Variants in ZBTB20 observed in about 807,000 individuals in gnomAD.
The protein encoded by ZBTB20 is zinc finger and BTB domain containing 20, also known as zinc finger and BTB domain-containing protein 20.
ZBTB20 carries 9 observed loss-of-function variants against 56.9 expected under a neutral mutation model. The ratio of observed to expected loss-of-function variants is 0.16; its 90% CI spans 0.10 to 0.28. The LOEUF (loss-of-function observed/expected upper bound fraction) is 0.28, where lower values mean the gene tolerates loss of function less well. ZBTB20 is among the 10% of genes least tolerant of loss of function. The pLI, the probability that ZBTB20 is intolerant of heterozygous loss-of-function variation, is 1.00. For synonymous variants in ZBTB20, 417 were observed against 420.7 expected, an observed-to-expected ratio of 0.99 and a Z score of 0.11; for missense variants, 655 against 1,003.0, an observed-to-expected ratio of 0.65 and a Z score of 4.69.
At chr3:114,387,841 C>G (rs186722933) in intron 8 of ZBTB20, 1 of 152,164 alleles carries the variant, frequency 6.6e-6, no homozygotes, top group East Asian at 1.9e-4. Context: ...TCTTTAGTCC[C>G]CAGTAACTCA....
At chr3:114,767,430 A>G (rs2068860128) in intron 5 of ZBTB20, among the ~76,000 whole-genome samples, 1 of 152,058 alleles carries the variant, frequency 6.6e-6, no homozygotes, top group South Asian at 2.1e-4. Flanking sequence ...ATGCCACAGC[A>G]CTAAAATAAA....
At chr3:114,392,269 A>G (rs774830664) in intron 7 of ZBTB20, among the ~76,000 whole-genome samples, 21 of 152,198 alleles carry the variant, frequency 1.4e-4, no homozygotes, top group Non-Finnish European at 2.9e-4. Flanking sequence ...TAAAATAACT[A>G]AAAGAGGGTA....
chr3:114,618,348 C>T lies in ZBTB20; in HGVS notation c.-295+75180G>A, dbSNP rs141089409. Among the ~76,000 whole-genome samples, 48 of 149,982 alleles carry T rather than the reference C, an allele frequency of 3.2e-4. No homozygotes were observed. The East Asian group carries it at 9.1e-3, about 28-fold the overall frequency. ...CAATGCAAGCTCAAACTCCTGGGCT[C>T]AAGGGATAAGGGATCCTCCCATCTC... On this transcript the variant is annotated intron_variant, in intron 6 of 11. Coordinates refer to ENST00000675478, the MANE Select transcript of ZBTB20 (RefSeq NM_001348800.3).
chr3:114,821,072 C>T (rs1309071880), intron 4 of ZBTB20, among the ~76,000 whole-genome samples: 1 of 152,078 alleles, frequency 6.6e-6, no homozygotes, highest in Non-Finnish European at 1.5e-5. Flanking sequence ...ACCAACCTTG[C>T]CTAGTATTTT....
intron 5 of ZBTB20, among the ~76,000 whole-genome samples, chr3:114,742,613 T>A (rs1244487655): frequency 6.6e-6 from 1 of 152,148 alleles, no homozygotes; most frequent in Non-Finnish European, 1.5e-5. Flanking sequence ...CTGACAGAGA[T>A]TAAATAACTT....
intron 5 of ZBTB20, among the ~76,000 whole-genome samples, chr3:114,772,116 G>C (rs1376573819): frequency 6.6e-6 from 1 of 152,102 alleles, no homozygotes; most frequent in African/African-American, 2.4e-5. Flanking sequence ...GAGGCAGGCA[G>C]ATTGCCTGAG....
At chr3:114,783,865 T>C (rs1196947511) in intron 5 of ZBTB20, among the ~76,000 whole-genome samples, 2 of 151,756 alleles carry the variant, frequency 1.3e-5, no homozygotes, top group African/African-American at 2.4e-5. Flanking sequence ...ATATGCTTAG[T>C]TTTGTGAGAT....
intron 10 of ZBTB20, among the ~76,000 whole-genome samples, chr3:114,378,621 T>A (rs2083943349): frequency 6.6e-6 from 1 of 152,344 alleles, no homozygotes; most frequent in Admixed American, 6.5e-5. Context: ...CTAAGGCAAT[T>A]CTATGTAATC....
intron 6 of ZBTB20, among the ~76,000 whole-genome samples, chr3:114,578,190 A>G (rs370379494): frequency 3.9e-5 from 6 of 152,258 alleles, no homozygotes; most frequent in East Asian, 3.9e-4. Flanking sequence ...TAAAAGTACA[A>G]TAAATGAAAT....
intron 6 of ZBTB20, among the ~76,000 whole-genome samples, chr3:114,652,204 T>A (rs2060173768): frequency 6.6e-6 from 1 of 152,070 alleles, no homozygotes; most frequent in Non-Finnish European, 1.5e-5. Context: ...TTAATTTCTA[T>A]CTCCCATAAA....
intron 1 of ZBTB20, among the ~76,000 whole-genome samples, chr3:115,085,235 G>A (rs1002939728): frequency 1.3e-5 from 2 of 151,932 alleles, no homozygotes; most frequent in African/African-American, 2.4e-5. Flanking sequence ...ACTATTGGGT[G>A]AATTTGGTGC....
At chr3:114,344,342 A>G (rs1033679774) in intron 11 of ZBTB20, among the ~76,000 whole-genome samples, 5 of 152,214 alleles carry the variant, frequency 3.3e-5, no homozygotes, top group Non-Finnish European at 7.3e-5. Context: ...CTCCAAGTAG[A>G]GAGTTGTACT....
At chr3:114,876,099 T>C (rs1471980882) in intron 4 of ZBTB20, among the ~76,000 whole-genome samples, 2 of 149,654 alleles carry the variant, frequency 1.3e-5, no homozygotes, top group African/African-American at 2.5e-5. Flanking sequence ...TAGCGGGGTA[T>C]GGTGGCATGC....
At chr3:114,989,153 G>A (rs562309665) in intron 2 of ZBTB20, among the ~76,000 whole-genome samples, 26 of 152,128 alleles carry the variant, frequency 1.7e-4, no homozygotes, top group Non-Finnish European at 2.6e-4. Context: ...TGCTTTTGGT[G>A]TTTTAGACAT....
At chr3:114,985,014 C>T (rs1384566566) in intron 2 of ZBTB20, among the ~76,000 whole-genome samples, 1 of 152,006 alleles carries the variant, frequency 6.6e-6, no homozygotes, top group East Asian at 1.9e-4. Context: ...TCAAATGGCA[C>T]GTGGTTACTC....
chr3:114,552,907 T>G (rs1213383943), intron 6 of ZBTB20, among the ~76,000 whole-genome samples: 2 of 152,248 alleles, frequency 1.3e-5, no homozygotes, highest in African/African-American at 4.8e-5. Context: ...TCAGAATTAT[T>G]GTTTTCAATC....
rs1012151505 is a variant in ZBTB20 at position 114,318,749 on chromosome 3, A to T, written c.*20256T>A. 16 of 152,346 alleles carry T rather than the reference A, an allele frequency of 1.1e-4. No individual in the cohort carries two copies. The highest frequency in any genetic ancestry group is 7.2e-4 in the Admixed American group (11 of 15,308). The allele number at this position is 152,346 out of a possible 1,614,324, so 9.4% of individuals were successfully genotyped here. A position where few individuals can be genotyped will look rare whatever the true frequency, so the allele number is the denominator to read the frequency against. On this transcript the variant is annotated 3_prime_UTR_variant, in exon 12 of 12. Coordinates refer to ENST00000675478, the MANE Select transcript of ZBTB20 (RefSeq NM_001348800.3). Reference sequence around the variant, plus strand: ...TTTGGTTTTCCAACTTTTTCAAACCATAAAAATTAAAGCAGGGCTTCGGTG... The same window carrying T: ...TTTGGTTTTCCAACTTTTTCAAACCTTAAAAATTAAAGCAGGGCTTCGGTG...
intron 3 of ZBTB20, among the ~76,000 whole-genome samples, chr3:114,936,239 C>T (rs1236422525): frequency 2.0e-5 from 3 of 152,156 alleles, no homozygotes; most frequent in African/African-American, 7.2e-5. Flanking sequence ...ACACTGCAAA[C>T]TCATACACAC....
intron 6 of ZBTB20, among the ~76,000 whole-genome samples, chr3:114,605,320 G>A (rs925335360): frequency 5.3e-5 from 8 of 152,060 alleles, no homozygotes; most frequent in African/African-American, 1.9e-4. Context: ...CAAGAGCAGG[G>A]GTGAAAGCTC....
Sources: gnomAD v4.1 joint callset for allele counts (sites outside exome capture counted in the v4.1 genomes callset) on GRCh38, gnomAD v4.1.1 for gene constraint, MANE v1.5 for transcripts, NCBI Gene and HGNC (gene_info 2026-07-23, HGNC 2026-07-21) for gene names.